The following RALGDS variants were observed in gnomAD, a reference collection of about 807,000 sequenced individuals.
RALGDS encodes ral guanine nucleotide dissociation stimulator.
In RALGDS, 44 loss-of-function variants were observed where a neutral mutation model predicts 99.8. The ratio of observed to expected loss-of-function variants is 0.44; its 90% confidence interval spans 0.35 to 0.57. The LOEUF is 0.57. Ranked by LOEUF, RALGDS falls within the 20% of genes least tolerant of loss-of-function variation. The pLI is 0.01. For synonymous variants in RALGDS, 529 were observed against 505.0 expected, an observed-to-expected ratio of 1.05 and a Z score of -0.64; for missense variants, 1,022 against 1,203.1, an observed-to-expected ratio of 0.85 and a Z score of 2.23.
Position 133,130,061 on chromosome 9 carries a change from TCC to T in RALGDS, c.132+889_132+890del, listed in dbSNP as rs1458284557. Among the ~76,000 whole-genome samples, 5 of 152,042 alleles carry T rather than the reference TCC, an allele frequency of 3.3e-5. No individual in the cohort carries two copies. The South Asian group carries it at 8.3e-4, about 25-fold the overall frequency. ...GGTCTCGGCTCACTGCACCTCTGCCTCCCGGGTTCAAGCGATTCTCCTGCCTC... is the reference window on the plus strand; with the variant it reads ...GGTCTCGGCTCACTGCACCTCTGCCTCGGGTTCAAGCGATTCTCCTGCCTC... On this transcript the variant is annotated intron_variant, in intron 1 of 17. Coordinates refer to the RALGDS transcript ENST00000372062.
intron 1 of RALGDS, among the ~76,000 whole-genome samples, chr9:133,115,350 C>T (rs1035371987): frequency 2.0e-5 from 3 of 152,204 alleles, no homozygotes; most frequent in Non-Finnish European, 4.4e-5. Context: ...GCCTGCACCT[C>T]GGCCTGCTCC....
At chr9:133,121,313 GA>G (rs1159917620), upstream of RALGDS, 1 of 687,050 alleles carries the variant, frequency 1.5e-6, no homozygotes, top group Non-Finnish European at 1.8e-6. Flanking sequence ...TGGGGCCGGG[GA>G]GGGGCGGAAC....
intron 1 of RALGDS, among the ~76,000 whole-genome samples, chr9:133,115,956 G>C (rs763362051): frequency 6.6e-6 from 1 of 152,262 alleles, no homozygotes; most frequent in East Asian, 1.9e-4. Flanking sequence ...AGGCTCCTGC[G>C]ACAGTGCGGG....
upstream of RALGDS, among the ~76,000 whole-genome samples, chr9:133,134,502 C>T (rs556151029): frequency 1.3e-5 from 2 of 152,230 alleles, no homozygotes. Flanking sequence ...CCAGAGAGGG[C>T]GAACAACTTG....
chr9:133,130,476 G>A (rs1452209319), intron 1 of RALGDS, among the ~76,000 whole-genome samples: 1 of 152,030 alleles, frequency 6.6e-6, no homozygotes, highest in East Asian at 1.9e-4. Flanking sequence ...TCATTAAGTA[G>A]GGTGGTAAAA....
intron 16 of RALGDS, 103 bp from the exon 17 acceptor site, chr9:133,100,485 C>T: frequency 6.3e-7 from 1 of 1,597,254 alleles, no homozygotes; most frequent in East Asian, 2.2e-5. Flanking sequence ...GCACCAAGCA[C>T]AGGCACTCAC....
Position 133,108,838 on chromosome 9 carries a change from GC to G in RALGDS, c.612del (p.Trp204CysfsTer64). On this transcript the variant is annotated frameshift_variant, in exon 5 of 18. Coordinates refer to ENST00000372050, the MANE Select transcript of RALGDS (RefSeq NM_006266.4). LOFTEE classifies it high-confidence loss of function. ...CAGAAATCCTCCGAGTACTGGTCCA[GC>G]CAGGTGCCCAGGATGGAGGAGATGG... is the stretch of plus-strand genomic sequence containing the variant. The part of the protein sequence containing the change: ...KNAISSILGT[W>X]LDQYSEDFCQ... The G allele has an allele frequency of 2.5e-6, 4 of 1,612,984 alleles. No homozygotes were observed. Among genetic ancestry groups the G allele is most frequent in the Non-Finnish European group, 3.4e-6 (4 of 1,179,844 alleles).
At chr9:133,115,330 G>A (rs1446249751) in intron 1 of RALGDS, among the ~76,000 whole-genome samples, 1 of 152,218 alleles carries the variant, frequency 6.6e-6, no homozygotes, top group Non-Finnish European at 1.5e-5. Context: ...GGAGTGAGGA[G>A]AGGGCTCTAG....
intron 16 of RALGDS, chr9:133,100,793 T>C (rs771664738): frequency 8.0e-6 from 9 of 1,126,910 alleles, no homozygotes; most frequent in African/African-American, 1.6e-5. Flanking sequence ...GTGGTCAGCA[T>C]AGGCCAGGCC....
chr9:133,111,678 A>G (rs1228107314), intron 2 of RALGDS, among the ~76,000 whole-genome samples: 2 of 152,284 alleles, frequency 1.3e-5, no homozygotes, highest in Non-Finnish European at 2.9e-5. Context: ...CTTCTGGAAT[A>G]TTATGCAGCT....
At chr9:133,128,762 C>T (rs937473304) in intron 1 of RALGDS, among the ~76,000 whole-genome samples, 1 of 152,168 alleles carries the variant, frequency 6.6e-6, no homozygotes, top group African/African-American at 2.4e-5. Flanking sequence ...GGACAGTAAC[C>T]GTCATAGCAC....
At chr9:133,103,690 G>C (rs993251384) in intron 11 of RALGDS, 57 bp downstream of exon 11, 1 of 1,557,838 alleles carries the variant, frequency 6.4e-7, no homozygotes, top group African/African-American at 1.4e-5. Flanking sequence ...CAGCCCCCAG[G>C]GCTCAGGGAA....
rs1350811192 is a variant in RALGDS, at chr9:133,105,818, C to T, written c.1602+114G>A. On this transcript the variant is annotated intron_variant, in intron 9 of 17. Transcript: ENST00000372050. Reference sequence around the variant, plus strand: ...GCAAGAAGCGAATGCCACCGCCCGCCGCCCCAGCCCCCGCCCCAGCCCCCG... The same window carrying T: ...GCAAGAAGCGAATGCCACCGCCCGCTGCCCCAGCCCCCGCCCCAGCCCCCG... 15 of 296,682 alleles carry T rather than the reference C, an allele frequency of 5.1e-5. 1 individual carries two copies. Among genetic ancestry groups the T allele is most frequent in the South Asian group, 3.6e-4 (12 of 33,502 alleles). The allele number at this position is 296,682 out of a possible 1,614,324, so 18.4% of individuals were successfully genotyped here.
At chr9:133,109,524 A>C in intron 4 of RALGDS, 102 bp downstream of exon 4, 1 of 1,043,798 alleles carries the variant, frequency 9.6e-7, no homozygotes, top group Non-Finnish European at 1.5e-6. Context: ...TGTGGGAGCC[A>C]GGGTTCTGCC....
At chr9:133,112,352 C>T (rs1407594061) in intron 1 of RALGDS, among the ~76,000 whole-genome samples, 200 bp from the exon 2 acceptor site, 1 of 152,092 alleles carries the variant, frequency 6.6e-6, no homozygotes, top group Non-Finnish European at 1.5e-5. Flanking sequence ...CGGCCAGCCA[C>T]GACCTGGGAC....
chr9:133,122,913 A>T (rs1831998990), upstream of RALGDS, among the ~76,000 whole-genome samples: 1 of 152,164 alleles, frequency 6.6e-6, no homozygotes, highest in African/African-American at 2.4e-5. Context: ...CATGTTGGCC[A>T]GGCTGATCTT....
rs1830780023 is a variant in RALGDS, at chr9:133,101,968, G to A, written c.2181C>T (p.Val727=). The change falls in exon 15 of 18, where the codon GTC becomes GTT. Residue 727 remains valine, a synonymous_variant. Coordinates refer to ENST00000372050, the MANE Select transcript of RALGDS (RefSeq NM_006266.4). ...SDVEEINISF[V]PESPDGQEKK... ...TTTCCTGGCCATCAGGAGACTCCGG[G>A]ACGAAGCTGATGTTGATCTCCTCCA... 4.5e-6 allele frequency: 7 copies of A among 1,551,474 alleles called. No individual in the cohort carries two copies. Among genetic ancestry groups the A allele is most frequent in the South Asian group, 2.4e-5 (2 of 84,092 alleles).
intron 4 of RALGDS, 71 bp from the exon 5 acceptor site, chr9:133,108,937 G>GC: frequency 6.9e-7 from 1 of 1,453,880 alleles, no homozygotes. Flanking sequence ...TCCTGAGCCG[G>GC]CCCCTGTCCA....
upstream of RALGDS, among the ~76,000 whole-genome samples, chr9:133,125,234 C>T (rs2119232697): frequency 6.6e-6 from 1 of 152,234 alleles, no homozygotes; most frequent in South Asian, 2.1e-4. Context: ...ATGGTGTTGC[C>T]GTCACTAGTA....
Sources: gnomAD v4.1 joint callset for allele counts (sites outside exome capture counted in the v4.1 genomes callset) on GRCh38, gnomAD v4.1.1 for gene constraint, MANE v1.5 for transcripts, NCBI Gene and HGNC (gene_info 2026-07-23, HGNC 2026-07-21) for gene names.